The following TBC1D14 variants were observed in gnomAD, a reference collection of about 807,000 sequenced individuals.
TBC1D14 encodes TBC1 domain family member 14, also known as TBC1 domain family, member 14.
A neutral mutation model predicts 79.0 loss-of-function variants in TBC1D14; 26 were observed. The ratio of observed to expected loss-of-function variants is 0.33; its 90% CI spans 0.24 to 0.46. The LOEUF is 0.46. TBC1D14 is among the 20% of genes least tolerant of loss of function. The pLI is 1.00. For missense variants in TBC1D14, 769 were observed against 887.6 expected (o/e 0.87, Z 1.70); for synonymous variants, 394 against 349.9 (o/e 1.13, Z -1.40).
rs567409773 is a variant in TBC1D14, at chr4:6,971,586, C to A, written c.843+4162C>A. 3.3e-5 allele frequency among the ~76,000 whole-genome samples: 5 copies of A among 152,194 alleles called. No individual in the cohort carries two copies. The South Asian group carries it at 1.0e-3, about 32-fold the overall frequency. ...GTTAACCTCGATGGTAGTTTGAGAG[C>A]GATTTTCTTAACAGGGGAAACAAAA... is the stretch of plus-strand genomic sequence containing the variant. On this transcript the variant is annotated intron_variant, in intron 3 of 13. Transcript: ENST00000409757.
chr4:7,015,426 G>A (rs1241781956), intron 12 of TBC1D14, among the ~76,000 whole-genome samples: 8 of 152,268 alleles, frequency 5.3e-5, no homozygotes, highest in East Asian at 3.9e-4. Flanking sequence ...GAGAAGATTC[G>A]GCCAGGGCAG....
chr4:6,994,554 AAAAT>A (rs1295050792), intron 4 of TBC1D14, among the ~76,000 whole-genome samples: 1 of 152,156 alleles, frequency 6.6e-6, no homozygotes, highest in East Asian at 1.9e-4. Flanking sequence ...TTAGCATTTA[AAAAT>A]AAGTTGTCAG....
chr4:6,918,539 G>A (rs934187481), intron 1 of TBC1D14, among the ~76,000 whole-genome samples: 4 of 152,228 alleles, frequency 2.6e-5, no homozygotes, highest in Non-Finnish European at 5.9e-5. Flanking sequence ...AGACCAGCCT[G>A]TGAGCTATAG....
At position 7,014,564 on chromosome 4, in the gene TBC1D14, C is replaced by T; in HGVS notation, c.1757+7C>T. 6.4e-7 allele frequency: 1 copy of T among 1,570,660 alleles called. No homozygotes were observed. Among genetic ancestry groups the T allele is most frequent in the South Asian group, 1.1e-5 (1 of 90,092 alleles). ...ATATCTACCTAATTGATTGGTAAGA[C>T]TGGCTTTTCCCTGTGTTTTCAGAGC... is the stretch of plus-strand genomic sequence containing the variant. On this transcript the variant is annotated splice_region_variant and intron_variant, in intron 12 of 13. Coordinates refer to ENST00000409757, the MANE Select transcript of TBC1D14 (RefSeq NM_020773.3).
intron 1 of TBC1D14, among the ~76,000 whole-genome samples, chr4:6,920,217 A>C (rs2108913045): frequency 6.6e-6 from 1 of 151,590 alleles, no homozygotes; most frequent in East Asian, 1.9e-4. Flanking sequence ...TCAGCGCTGC[A>C]CTCTTACTGG....
intron 2 of TBC1D14, among the ~76,000 whole-genome samples, chr4:6,965,209 G>A (rs950742513): frequency 2.6e-5 from 4 of 151,836 alleles, no homozygotes; most frequent in African/African-American, 9.7e-5. Context: ...CCAGGCTGGA[G>A]TGCAATGGTG....
At chr4:6,977,200 C>T (rs1302189770) in intron 3 of TBC1D14, among the ~76,000 whole-genome samples, 12 of 140,794 alleles carry the variant, frequency 8.5e-5, no homozygotes, top group South Asian at 2.5e-4. Flanking sequence ...GCTGCCATCT[C>T]GGCTCACTGC....
intron 3 of TBC1D14, chr4:6,987,242 C>CGCGT: frequency 1.6e-6 from 2 of 1,261,968 alleles, no homozygotes; most frequent in South Asian, 5.5e-5. Context: ...GAGGAGCCGC[C>CGCGT]GCGTCCGCCC....
At chr4:6,948,602 C>T (rs1482342385) in intron 2 of TBC1D14, among the ~76,000 whole-genome samples, 1 of 152,096 alleles carries the variant, frequency 6.6e-6, no homozygotes, top group East Asian at 1.9e-4. Flanking sequence ...CCGTGGGTCC[C>T]ACTCGCGGTG....
chr4:6,941,884 A>AGCC (rs2108977178), intron 2 of TBC1D14, among the ~76,000 whole-genome samples: 1 of 152,306 alleles, frequency 6.6e-6, no homozygotes, highest in East Asian at 1.9e-4. Flanking sequence ...GTCCTTTGCC[A>AGCC]GCCCACCTTC....
intron 2 of TBC1D14, among the ~76,000 whole-genome samples, chr4:6,951,703 A>G (rs1238902292): frequency 2.0e-5 from 3 of 152,120 alleles, no homozygotes; most frequent in African/African-American, 7.2e-5. Flanking sequence ...GATCTAATAC[A>G]TTTCCCCAGG....
intron 12 of TBC1D14, 151 bp downstream of exon 12, chr4:7,014,708 C>A (rs894243604): frequency 6.5e-6 from 4 of 612,342 alleles, no homozygotes; most frequent in African/African-American, 5.5e-5. Context: ...AGTTTTATTT[C>A]CATCAGTGCC....
chr4:6,960,081 C>CTTTT lies in TBC1D14; in HGVS notation c.723-7208_723-7205dup, dbSNP rs10623660. Among the ~76,000 whole-genome samples the CTTTT allele has an allele frequency of 4.7e-4, 62 of 131,292 alleles. 1 individual carries two copies. The highest frequency in any genetic ancestry group is 7.1e-4 in the Non-Finnish European group (45 of 63,444). 86.1% of individuals were successfully genotyped at this position (131,292 alleles called of 152,430 possible). A position where few individuals can be genotyped will look rare whatever the true frequency, so the allele number is the denominator to read the frequency against. The stretch of plus-strand genomic sequence containing the variant: ...AAAGTTGGCTTTCTACCCTGTGCCC[C>CTTTT]TTTTTTTTTTTTTTTTTTGACACAG... On this transcript the variant is annotated intron_variant, in intron 2 of 13. Coordinates refer to ENST00000409757, the MANE Select transcript of TBC1D14 (RefSeq NM_020773.3).
chr4:6,988,345 G>T (rs1283606298), intron 3 of TBC1D14, among the ~76,000 whole-genome samples: 1 of 152,246 alleles, frequency 6.6e-6, no homozygotes, highest in Non-Finnish European at 1.5e-5. Flanking sequence ...ACCTGCTTTG[G>T]CTCTGCAGCT....
rs1713336103 is a variant in TBC1D14, at chr4:6,945,446, C to A, written c.722+21335C>A. Among the ~76,000 whole-genome samples, 3 of 151,948 alleles carry A rather than the reference C, an allele frequency of 2.0e-5. No homozygotes were observed. In the South Asian group the frequency reaches 6.2e-4, roughly 32 times the overall value. On this transcript the variant is annotated intron_variant, in intron 2 of 13. Coordinates refer to ENST00000409757, the MANE Select transcript of TBC1D14 (RefSeq NM_020773.3). ...GGCTGGAAAGGAGTTATCTTAAATT[C>A]ACATAGATTAAAGAAAGCATAGCTG...
At chr4:6,919,841 A>C (rs7654445) in intron 1 of TBC1D14, among the ~76,000 whole-genome samples, 2 of 152,128 alleles carry the variant, frequency 1.3e-5, no homozygotes, top group African/African-American at 2.4e-5. Context: ...GGCTGGTCTC[A>C]AACTCCTGAC....
intron 12 of TBC1D14, among the ~76,000 whole-genome samples, chr4:7,019,275 C>T (rs771320408): frequency 4.6e-5 from 7 of 152,136 alleles, no homozygotes; most frequent in Non-Finnish European, 5.9e-5. Flanking sequence ...CCAACTAGGC[C>T]ACCCAAAGTG....
chr4:7,028,136 C>A (rs1242359275), intron 13 of TBC1D14, among the ~76,000 whole-genome samples: 1 of 151,688 alleles, frequency 6.6e-6, no homozygotes, highest in Non-Finnish European at 1.5e-5. Flanking sequence ...CACATCACAC[C>A]CACACGTACA....
intron 3 of TBC1D14, among the ~76,000 whole-genome samples, chr4:6,973,264 C>G (rs1470185360): frequency 6.6e-6 from 1 of 151,876 alleles, no homozygotes; most frequent in Non-Finnish European, 1.5e-5. Context: ...GTGACATTTT[C>G]TCTCCTCACC....
Sources: allele counts gnomAD v4.1 joint callset (sites outside exome capture counted in the v4.1 genomes callset), GRCh38; gene constraint gnomAD v4.1.1; transcripts MANE v1.5; gene names NCBI Gene and HGNC (gene_info 2026-07-23, HGNC 2026-07-21).